The following TLK2 variants were observed in gnomAD, a reference collection of about 807,000 sequenced individuals.
The protein encoded by TLK2 is tousled like kinase 2, also known as serine/threonine-protein kinase tousled-like 2.
In TLK2, 6 loss-of-function variants were observed where a neutral mutation model predicts 117.3. The ratio of observed to expected loss-of-function variants is 0.05; its 90% CI spans 0.03 to 0.10. The LOEUF (loss-of-function observed/expected upper bound fraction) is 0.10. Among genes scored for constraint, TLK2 ranks in the 10% least tolerant of loss-of-function variants. The probability of loss-of-function intolerance (pLI) is 1.00; values close to 1 mark genes in which losing one functional copy is unlikely to be tolerated. For synonymous variants in TLK2, 257 were observed against 316.7 expected (o/e 0.81, Z 2.00); for missense variants, 299 against 901.2 (o/e 0.33, Z 8.56).
intron 5 of TLK2, 148 bp downstream of exon 5, chr17:62,523,325 TC>T: frequency 8.7e-7 from 1 of 1,150,364 alleles, no homozygotes; most frequent in Non-Finnish European, 1.2e-6. Flanking sequence ...ATGCTTGTAA[TC>T]CCAGCACTTT....
intron 2 of TLK2, among the ~76,000 whole-genome samples, chr17:62,517,396 AT>A (rs1468128442): frequency 2.0e-5 from 3 of 151,250 alleles, no homozygotes; most frequent in Non-Finnish European, 4.4e-5. Flanking sequence ...TTTTTTATTG[AT>A]TTATTTATTT....
At chr17:62,531,291 A>G (rs2076724348) in intron 6 of TLK2, among the ~76,000 whole-genome samples, 1 of 151,900 alleles carries the variant, frequency 6.6e-6, no homozygotes, top group Non-Finnish European at 1.5e-5. Flanking sequence ...TTGTCTTTAT[A>G]TACTCCATCA....
At chr17:62,471,507 G>A (rs2070938633) in intron 1 of TLK2, among the ~76,000 whole-genome samples, 1 of 152,182 alleles carries the variant, frequency 6.6e-6, no homozygotes, top group Non-Finnish European at 1.5e-5. Context: ...GTCCAATCTG[G>A]AGGCTGTTTA....
At chr17:62,503,750 C>CA (rs2074420385) in intron 2 of TLK2, among the ~76,000 whole-genome samples, 1 of 122,976 alleles carries the variant, frequency 8.1e-6, no homozygotes, top group Non-Finnish European at 1.7e-5. Flanking sequence ...TTTTTTGAGA[C>CA]AGAGTTTCCC....
chr17:62,551,080 AGT>A (rs1410394374), intron 7 of TLK2, among the ~76,000 whole-genome samples: 1 of 152,190 alleles, frequency 6.6e-6, no homozygotes, highest in Non-Finnish European at 1.5e-5. Context: ...AGCCTCCCAA[AGT>A]GCTAGGATTA....
chr17:62,537,431 A>T (rs2145860884), intron 7 of TLK2, among the ~76,000 whole-genome samples: 1 of 152,322 alleles, frequency 6.6e-6, no homozygotes, highest in East Asian at 1.9e-4. Context: ...CTGTGAGCTG[A>T]CGCCACTGTC....
chr17:62,568,774 G>A (rs138559386), intron 11 of TLK2, among the ~76,000 whole-genome samples: 3,078 of 151,796 alleles, frequency 0.02, 103 homozygotes, highest in African/African-American at 0.07. Context: ...TAGTAGAGAC[G>A]GGGTTTTGCC....
chr17:62,495,226 G>A (rs1211992369), intron 2 of TLK2, among the ~76,000 whole-genome samples: 6 of 151,986 alleles, frequency 3.9e-5, no homozygotes, highest in Non-Finnish European at 8.8e-5. Flanking sequence ...ATGAGGTGGT[G>A]GTGAGCCAAG....
Position 62,536,205 on chromosome 17 carries a change from C to T in TLK2, c.399C>T (p.Gly133=), listed in dbSNP as rs748214138. The change falls in exon 7 of 22, where the codon GGC becomes GGT. Residue 133 remains glycine, a synonymous_variant. Transcript: ENST00000346027. ...AACAGCCCCTCTATGGTTTAGATGG[C>T]AGTGCTGCAAAGGAGGCAACGGAGG... ...RVEQPLYGLD[G]SAAKEATEEQ... 3 of 1,612,326 alleles carry T rather than the reference C, an allele frequency of 1.9e-6. No individual in the cohort carries two copies. The highest frequency in any genetic ancestry group is 3.3e-5 in the Admixed American group (2 of 59,970).
intron 7 of TLK2, among the ~76,000 whole-genome samples, chr17:62,544,220 G>C (rs2077741228): frequency 6.6e-6 from 1 of 152,134 alleles, no homozygotes. Context: ...CTGCTACAAA[G>C]AACTACCTGA....
intron 17 of TLK2, among the ~76,000 whole-genome samples, chr17:62,598,399 C>T (rs2082633573): frequency 6.6e-6 from 1 of 152,118 alleles, no homozygotes; most frequent in African/African-American, 2.4e-5. Flanking sequence ...TTTGTTCTTC[C>T]TATTGTATGT....
intron 2 of TLK2, among the ~76,000 whole-genome samples, chr17:62,517,490 G>A (rs905846863): frequency 3.9e-4 from 59 of 151,950 alleles, no homozygotes; most frequent in Non-Finnish European, 7.4e-4. Flanking sequence ...CACCTTCCGG[G>A]TTCACGCCAT....
At chr17:62,573,775 T>G (rs943763083) in intron 12 of TLK2, among the ~76,000 whole-genome samples, 1 of 152,210 alleles carries the variant, frequency 6.6e-6, no homozygotes, top group African/African-American at 2.4e-5. Flanking sequence ...GAGCACTTAG[T>G]TAATAGTCAC....
Position 62,566,543 on chromosome 17 carries a change from G to A in TLK2, c.968+1406G>A, listed in dbSNP as rs985324422. On this transcript the variant is annotated intron_variant, in intron 11 of 21. Transcript: ENST00000346027. ...AGTCAAAGAATACCTTGGAAGGAAA[G>A]CACAGACTTTTCTTAGGCCGGCACC... 1.3e-5 allele frequency among the ~76,000 whole-genome samples: 2 copies of A among 152,180 alleles called. 1 individual carries two copies. The highest frequency in any genetic ancestry group is 4.1e-4 in the South Asian group (2 of 4,830).
chr17:62,514,863 G>A (rs2075444563), intron 2 of TLK2, among the ~76,000 whole-genome samples: 1 of 152,180 alleles, frequency 6.6e-6, no homozygotes, highest in South Asian at 2.1e-4. Context: ...ACAGGCGTGA[G>A]CCACCGCGCC....
intron 2 of TLK2, among the ~76,000 whole-genome samples, chr17:62,492,398 G>T (rs1023785429): frequency 9.2e-5 from 14 of 152,122 alleles, no homozygotes; most frequent in Non-Finnish European, 1.5e-4. Context: ...TCAGAATAAG[G>T]ATGGTGTCTG....
intron 15 of TLK2, 135 bp from the exon 16 acceptor site, chr17:62,586,000 A>G: frequency 1.7e-6 from 1 of 605,598 alleles, no homozygotes; most frequent in Non-Finnish European, 2.8e-6. Context: ...TGCTTGCAAC[A>G]CTGATATAAG....
At chr17:62,563,598 A>G (rs955360839) in intron 10 of TLK2, among the ~76,000 whole-genome samples, 2 of 152,146 alleles carry the variant, frequency 1.3e-5, no homozygotes, top group African/African-American at 2.4e-5. Flanking sequence ...CATCTCAAGG[A>G]CTTTTATCCC....
chr17:62,553,032 C>T (rs1444193173), intron 8 of TLK2, among the ~76,000 whole-genome samples: 4 of 152,096 alleles, frequency 2.6e-5, no homozygotes, highest in African/African-American at 4.8e-5. Flanking sequence ...ATTGTATCTG[C>T]AAAGGATGGT....
Sources: gnomAD v4.1 joint callset for allele counts (sites outside exome capture counted in the v4.1 genomes callset) on GRCh38, gnomAD v4.1.1 for gene constraint, MANE v1.5 for transcripts, NCBI Gene and HGNC (gene_info 2026-07-23, HGNC 2026-07-21) for gene names.